The following LRP1B variants were observed in gnomAD, a reference collection of about 807,000 sequenced individuals.
LRP1B encodes the protein low-density lipoprotein receptor-related protein 1B.
Under a neutral mutation model 556.6 loss-of-function variants are expected in LRP1B, and 217 were observed. The ratio of observed to expected loss-of-function variants is 0.39; its 90% CI spans 0.35 to 0.44. The LOEUF is 0.44. LRP1B is among the 20% of genes least tolerant of loss of function. The pLI is 1.00. For missense variants in LRP1B, 5,053 were observed against 5,620.8 expected, an observed-to-expected ratio of 0.90 and a Z score of 3.23; for synonymous variants, 2,047 against 1,865.8, an observed-to-expected ratio of 1.10 and a Z score of -2.50.
intron 3 of LRP1B, among the ~76,000 whole-genome samples, chr2:141,313,328 A>G (rs186281585): frequency 6.6e-6 from 1 of 152,300 alleles, no homozygotes; most frequent in Non-Finnish European, 1.5e-5. Context: ...CATACTCCTT[A>G]GAAATTTTTA....
rs1559079392 is a variant in LRP1B, at chr2:142,115,501, TA to T, written c.82+15146del. Among the ~76,000 whole-genome samples the T allele has an allele frequency of 9.5e-3, 891 of 94,280 alleles. 111 individuals carry two copies. Among genetic ancestry groups the T allele is most frequent in the African/African-American group, 0.013 (328 of 25,784 alleles). The allele number at this position is 94,280 out of a possible 152,430, so 61.9% of individuals were successfully genotyped here. A position where few individuals can be genotyped will look rare whatever the true frequency, so the allele number is the denominator to read the frequency against. On this transcript the variant is annotated intron_variant, in intron 1 of 90. Coordinates refer to ENST00000389484, the MANE Select transcript of LRP1B (RefSeq NM_018557.3). ...ACATATAATATATAATTATATATAA[TA>T]TATATTATATATTACATATATAATA...
intron 1 of LRP1B, among the ~76,000 whole-genome samples, chr2:141,864,191 A>G (rs1420805423): frequency 6.6e-6 from 1 of 152,224 alleles, no homozygotes; most frequent in Non-Finnish European, 1.5e-5. Context: ...TGAATAACTA[A>G]TGAGGTTAGC....
chr2:141,191,005 C>T (rs1681478850), intron 6 of LRP1B, among the ~76,000 whole-genome samples: 1 of 151,922 alleles, frequency 6.6e-6, no homozygotes. Flanking sequence ...CTCCCTACCT[C>T]CAGAGGAAAG....
At chr2:141,002,866 T>G (rs2105370629) in intron 15 of LRP1B, among the ~76,000 whole-genome samples, 1 of 152,158 alleles carries the variant, frequency 6.6e-6, no homozygotes, top group East Asian at 1.9e-4. Flanking sequence ...TCAAACATAT[T>G]TTTATTAAAA....
At chr2:141,242,024 A>G (rs1683897307) in intron 5 of LRP1B, among the ~76,000 whole-genome samples, 1 of 152,180 alleles carries the variant, frequency 6.6e-6, no homozygotes. Context: ...ATACTGAAAC[A>G]GATCTTATCC....
At chr2:140,921,933 T>G (rs1694747243) in intron 21 of LRP1B, among the ~76,000 whole-genome samples, 1 of 152,018 alleles carries the variant, frequency 6.6e-6, no homozygotes, top group African/African-American at 2.4e-5. Context: ...TATTTGTACT[T>G]TTTGTTAGAA....
chr2:141,241,431 G>T (rs1008612531), intron 5 of LRP1B, among the ~76,000 whole-genome samples: 6 of 151,954 alleles, frequency 3.9e-5, no homozygotes, highest in African/African-American at 9.7e-5. Flanking sequence ...TATTTGAGAG[G>T]GGAGTGGTCC....
intron 32 of LRP1B, among the ~76,000 whole-genome samples, chr2:140,778,523 A>G (rs1573705851): frequency 1.3e-5 from 2 of 152,282 alleles, no homozygotes; most frequent in East Asian, 3.9e-4. Context: ...AAACATGTCT[A>G]CACTGGGAAG....
At chr2:141,300,553 G>T (rs566598881) in intron 3 of LRP1B, among the ~76,000 whole-genome samples, 1 of 152,222 alleles carries the variant, frequency 6.6e-6, no homozygotes, top group Non-Finnish European at 1.5e-5. Context: ...TTGAAGGTGA[G>T]CTTCGTGGCT....
chr2:141,401,490 G>A (rs1410361434), intron 3 of LRP1B, among the ~76,000 whole-genome samples: 1 of 152,050 alleles, frequency 6.6e-6, no homozygotes, highest in Non-Finnish European at 1.5e-5. Context: ...TCATCTTTTG[G>A]TGGTCTGTGT....
At chr2:141,220,113 T>G (rs1288196550) in intron 6 of LRP1B, among the ~76,000 whole-genome samples, 1 of 152,134 alleles carries the variant, frequency 6.6e-6, no homozygotes, top group Admixed American at 6.5e-5. Context: ...CTTCAGAAGG[T>G]GCGTAATAAT....
intron 32 of LRP1B, among the ~76,000 whole-genome samples, chr2:140,787,629 A>C (rs1439828359): frequency 8.1e-6 from 1 of 122,880 alleles, no homozygotes; most frequent in African/African-American, 3.2e-5. Flanking sequence ...AGAATGAAGT[A>C]GTCCAATCAG....
chr2:140,388,545 T>C (rs1683867118), intron 66 of LRP1B, among the ~76,000 whole-genome samples: 1 of 152,344 alleles, frequency 6.6e-6, no homozygotes. Context: ...TAAAATTTCC[T>C]TTTGGGGCAT....
chr2:141,106,468 G>A (rs941122558), intron 7 of LRP1B, among the ~76,000 whole-genome samples: 3 of 152,054 alleles, frequency 2.0e-5, no homozygotes, highest in African/African-American at 7.2e-5. Flanking sequence ...TCAGCAGAGT[G>A]AAGATCACCT....
rs1405204222 is a variant in LRP1B at position 141,463,582 on chromosome 2, T to TATATATAATATATATTATATAATA, written c.343+16813_343+16814insTATTATATAATATATATTATATAT. Reference sequence around the variant, plus strand: ...AATATATATTATATATTATATATAATTATATATAATATATATTATATATTA... The same window carrying TATATATAATATATATTATATAATA: ...AATATATATTATATATTATATATAATATATATAATATATATTATATAATATATATATAATATATATTATATATTA... On this transcript the variant is annotated intron_variant, in intron 3 of 90. Transcript: ENST00000389484. Among the ~76,000 whole-genome samples, 2 of 78,358 alleles carry TATATATAATATATATTATATAATA rather than the reference T, an allele frequency of 2.6e-5. 1 individual carries two copies. The highest frequency in any genetic ancestry group is 4.7e-5 in the Non-Finnish European group (2 of 42,344). The allele number at this position is 78,358 out of a possible 152,430, so 51.4% of individuals were successfully genotyped here. A position where few individuals can be genotyped will look rare whatever the true frequency, so the allele number is the denominator to read the frequency against.
intron 45 of LRP1B, among the ~76,000 whole-genome samples, chr2:140,539,585 C>A (rs17526381): frequency 4.6e-5 from 7 of 151,986 alleles, no homozygotes; most frequent in African/African-American, 1.7e-4. Flanking sequence ...AGGCCTCCAC[C>A]GAACAGAAAT....
chr2:141,135,162 TTAAA>T (rs1346713461), intron 7 of LRP1B, among the ~76,000 whole-genome samples: 1 of 151,846 alleles, frequency 6.6e-6, no homozygotes, highest in South Asian at 2.1e-4. Flanking sequence ...ATACAAATAA[TTAAA>T]TACTTTTAGT....
intron 66 of LRP1B, among the ~76,000 whole-genome samples, chr2:140,391,201 T>A (rs1352946808): frequency 6.6e-6 from 1 of 152,126 alleles, no homozygotes; most frequent in Non-Finnish European, 1.5e-5. Flanking sequence ...AAAAACTAAA[T>A]TCTTAACATA....
chr2:141,329,384 G>A (rs1232864696), intron 3 of LRP1B, among the ~76,000 whole-genome samples: 2 of 43,456 alleles, frequency 4.6e-5, no homozygotes, highest in African/African-American at 3.0e-4. Flanking sequence ...GCAAAACTCC[G>A]TCAAAAAAAA....
Sources: gnomAD v4.1 joint callset for allele counts (sites outside exome capture counted in the v4.1 genomes callset) on GRCh38, gnomAD v4.1.1 for gene constraint, MANE v1.5 for transcripts, NCBI Gene and HGNC (gene_info 2026-07-23, HGNC 2026-07-21) for gene names.